The following S100Z variants were observed in gnomAD, a reference collection of about 807,000 sequenced individuals.
S100Z encodes the protein S100 calcium binding protein Z, also known as protein S100-Z.
In S100Z, 11 loss-of-function variants were observed where a neutral mutation model predicts 8.5. The ratio of observed to expected loss-of-function variants is 1.30; its 90% CI spans 0.82 to 2.15. The LOEUF is 2.15. Ranked by LOEUF, S100Z falls within the 30% of genes most tolerant of loss-of-function variation. The pLI is 0.00. For missense variants in S100Z, 126 were observed against 117.9 expected (o/e 1.07, Z -0.32); for synonymous variants, 34 against 43.8 (o/e 0.78, Z 0.89).
chr5:76,947,403 G>T, the S100Z span, among the ~76,000 whole-genome samples: 6 of 152,184 alleles, frequency 3.9e-5, no homozygotes, highest in African/African-American at 1.4e-4. Context: ...CAAAGGCTAT[G>T]TGCTTCGTTT....
chr5:76,852,169 A>G (rs1750749558), intron 1 of S100Z, among the ~76,000 whole-genome samples: 1 of 152,008 alleles, frequency 6.6e-6, no homozygotes, highest in South Asian at 2.1e-4. Flanking sequence ...GGGCTCTCCA[A>G]TTTCCCACTG....
At chr5:76,863,728 CG>C (rs1162828541) in intron 1 of S100Z, among the ~76,000 whole-genome samples, 9 of 151,908 alleles carry the variant, frequency 5.9e-5, no homozygotes, top group East Asian at 1.9e-4. Context: ...TTAGTAGAGA[CG>C]GGGTTTCACC....
At chr5:76,926,883 C>G in the S100Z span, among the ~76,000 whole-genome samples, 1 of 152,216 alleles carries the variant, frequency 6.6e-6, no homozygotes, top group Non-Finnish European at 1.5e-5. Flanking sequence ...TCTGTATAAA[C>G]ACAAGGATTA....
intron 4 of S100Z, among the ~76,000 whole-genome samples, chr5:76,902,972 G>A (rs1316596504): frequency 6.6e-6 from 1 of 152,160 alleles, no homozygotes; most frequent in Non-Finnish European, 1.5e-5. Context: ...GATCATCTGA[G>A]GTCAGGAGTT....
At chr5:76,865,542 C>T (rs1751242736) in intron 1 of S100Z, among the ~76,000 whole-genome samples, 1 of 150,600 alleles carries the variant, frequency 6.6e-6, no homozygotes, top group African/African-American at 2.4e-5. Flanking sequence ...CCACTGTACC[C>T]GGCCCATGTC....
chr5:76,895,343 A>G (rs1351302397), intron 4 of S100Z, among the ~76,000 whole-genome samples: 1 of 152,192 alleles, frequency 6.6e-6, no homozygotes, highest in Admixed American at 6.5e-5. Flanking sequence ...TTCCTCAGGA[A>G]TAAGGAAATT....
intron 2 of S100Z, among the ~76,000 whole-genome samples, chr5:76,871,034 A>G (rs1742993261): frequency 6.6e-6 from 1 of 152,228 alleles, no homozygotes; most frequent in Non-Finnish European, 1.5e-5. Context: ...GGGACCCCAG[A>G]GAAACCTGAA....
chr5:76,946,996 C>T, the S100Z span, among the ~76,000 whole-genome samples: 50 of 150,230 alleles, frequency 3.3e-4, no homozygotes, highest in Non-Finnish European at 7.1e-4. Context: ...ACATCCTACC[C>T]CCTGGCCTCT....
intron 4 of S100Z, chr5:76,878,103 A>G (rs1253746558): frequency 9.5e-6 from 2 of 211,592 alleles, no homozygotes; most frequent in Non-Finnish European, 1.9e-5. Context: ...AAACGAGGGC[A>G]TTACAAAAAT....
downstream of S100Z, among the ~76,000 whole-genome samples, chr5:76,923,698 C>A (rs75403199): frequency 4.5e-3 from 687 of 152,320 alleles, 6 homozygotes; most frequent in African/African-American, 0.015. Context: ...CACCATAGCT[C>A]CATCATGGGC....
At chr5:76,949,910 T>C in the S100Z span, among the ~76,000 whole-genome samples, 3 of 152,228 alleles carry the variant, frequency 2.0e-5, no homozygotes, top group Admixed American at 6.5e-5. Context: ...TAGTTGATAA[T>C]ATTGTGTTGT....
intron 4 of S100Z, among the ~76,000 whole-genome samples, chr5:76,885,644 G>A (rs1743590617): frequency 7.2e-6 from 1 of 139,394 alleles, no homozygotes; most frequent in African/African-American, 2.7e-5. Context: ...CCAGGAAAGT[G>A]GGAACGGGGT....
At chr5:76,888,964 C>T (rs183896851) in intron 4 of S100Z, among the ~76,000 whole-genome samples, 1 of 152,312 alleles carries the variant, frequency 6.6e-6, no homozygotes, top group Non-Finnish European at 1.5e-5. Flanking sequence ...CCCCACATGT[C>T]CCCATGTGTG....
intron 4 of S100Z, among the ~76,000 whole-genome samples, chr5:76,920,508 A>G (rs1370208373): frequency 6.6e-6 from 1 of 152,248 alleles, no homozygotes; most frequent in African/African-American, 2.4e-5. Context: ...TAGAAAGAAC[A>G]TGCCTGCCCA....
intron 4 of S100Z, among the ~76,000 whole-genome samples, chr5:76,907,393 T>C (rs1349852462): frequency 6.6e-6 from 1 of 152,034 alleles, no homozygotes. Context: ...AAGCTCTGCC[T>C]CCCTGGTTCA....
At chr5:76,895,903 C>T (rs1235949031) in intron 4 of S100Z, among the ~76,000 whole-genome samples, 1 of 150,920 alleles carries the variant, frequency 6.6e-6, no homozygotes, top group Non-Finnish European at 1.5e-5. Context: ...GCTGGGATTA[C>T]AGGCACCCAC....
rs373421971 is a variant in S100Z at position 76,907,084 on chromosome 5, C to T, written c.*3-13633C>T. On this transcript the variant is annotated intron_variant, in intron 4 of 4. Transcript: ENST00000317593. ...TTTATCAATGAATATGGTATTCATT[C>T]CATATTTTGGCTATTGAAGGTTCTT... Among the ~76,000 whole-genome samples the T allele has an allele frequency of 2.4e-3, 357 of 146,816 alleles. 3 individuals are homozygous for T. Among genetic ancestry groups the T allele is most frequent in the Middle Eastern group, 0.015 (4 of 272 alleles).
the S100Z span, among the ~76,000 whole-genome samples, chr5:76,938,153 A>G: frequency 6.6e-6 from 1 of 152,088 alleles, no homozygotes; most frequent in East Asian, 1.9e-4. Context: ...AAAAGGTATG[A>G]CCTAATGGGA....
rs578148338 is a variant in S100Z at position 76,918,268 on chromosome 5, A to G, written c.*3-2449A>G. The stretch of plus-strand genomic sequence containing the variant: ...GTCACCCAGGCTTGAGTGCAGTGGT[A>G]CAATCTCAGCTCGCTGCAACTTCTG... On this transcript the variant is annotated intron_variant, in intron 4 of 4. Coordinates refer to ENST00000317593, the MANE Select transcript of S100Z (RefSeq NM_130772.4). Among the ~76,000 whole-genome samples the G allele has an allele frequency of 6.6e-5, 10 of 152,304 alleles. No homozygotes were observed. In the East Asian group the frequency reaches 1.9e-3, roughly 29 times the overall value.
Sources: gnomAD v4.1 joint callset for allele counts (sites outside exome capture counted in the v4.1 genomes callset) on GRCh38, gnomAD v4.1.1 for gene constraint, MANE v1.5 for transcripts, NCBI Gene and HGNC (gene_info 2026-07-23, HGNC 2026-07-21) for gene names.